Variants in UGT2B15 observed in about 807,000 individuals in gnomAD.
The protein encoded by UGT2B15 is UDP-glucuronosyltransferase 2B15.
In UGT2B15, 36 loss-of-function variants were observed where a neutral mutation model predicts 45.9. That is an observed-to-expected ratio of 0.78 (90% CI 0.60 to 1.04). The LOEUF is 1.04. Ranked by LOEUF, UGT2B15 falls within the 50% of genes least tolerant of loss-of-function variation. The pLI is 0.00. For missense variants in UGT2B15, 617 were observed against 622.4 expected, an observed-to-expected ratio of 0.99 and a Z score of 0.09; for synonymous variants, 219 against 216.4, an observed-to-expected ratio of 1.01 and a Z score of -0.11.
At chr4:68,656,366 A>G (rs1446224135) in intron 3 of UGT2B15, among the ~76,000 whole-genome samples, 1 of 148,866 alleles carries the variant, frequency 6.7e-6, no homozygotes, top group Non-Finnish European at 1.5e-5. Context: ...TTACCATTAC[A>G]GTGCTTAGTG....
At chr4:68,666,656 G>A (rs1450395096) in intron 2 of UGT2B15, among the ~76,000 whole-genome samples, 2 of 150,842 alleles carry the variant, frequency 1.3e-5, no homozygotes, top group Admixed American at 1.3e-4. Flanking sequence ...AAGGAAATCT[G>A]ATCATATCTC....
intron 5 of UGT2B15, among the ~76,000 whole-genome samples, chr4:68,653,790 A>G (rs1411201608): frequency 2.0e-5 from 3 of 152,022 alleles, no homozygotes; most frequent in Non-Finnish European, 4.4e-5. Flanking sequence ...ATTTAAAATA[A>G]TTATCTACAT....
Position 68,653,918 on chromosome 4 carries a change from A to G in UGT2B15, c.1313+119T>C, listed in dbSNP as rs563626762. On this transcript the variant is annotated intron_variant, in intron 5 of 5. Transcript: ENST00000338206. ...GGTGGAAAGTAAGGACAGATTTTAC[A>G]TTGGTTAAATCACTTCAATCCCTTC... 417 of 1,304,700 alleles carry G rather than the reference A, an allele frequency of 3.2e-4. 5 individuals are homozygous for G. The highest frequency in any genetic ancestry group is 1.3e-3 in the South Asian group (84 of 63,086). The allele number at this position is 1,304,700 out of a possible 1,614,324, so 80.8% of individuals were successfully genotyped here.
At position 68,648,668 on chromosome 4, in the gene UGT2B15, T is replaced by C. The variant is rs1193597961; in HGVS notation, c.1314-1285A>G. Among the ~76,000 whole-genome samples the C allele has an allele frequency of 2.0e-5, 3 of 152,102 alleles. 1 individual carries two copies. The highest frequency in any genetic ancestry group is 2.0e-4 in the Admixed American group (3 of 15,250). ...GATTATCTTAAACATTATCCCAAAG[T>C]GAAGACACCAATTTATCACAAACTG... On this transcript the variant is annotated intron_variant, in intron 5 of 5. Coordinates refer to ENST00000338206, the MANE Select transcript of UGT2B15 (RefSeq NM_001076.4).
intron 5 of UGT2B15, among the ~76,000 whole-genome samples, chr4:68,649,512 C>G (rs1732588275): frequency 6.6e-6 from 1 of 151,710 alleles, no homozygotes; most frequent in Admixed American, 6.6e-5. Flanking sequence ...AACTCCTGAC[C>G]TCATGTGATC....
At chr4:68,662,204 T>C (rs1199826495) in intron 3 of UGT2B15, among the ~76,000 whole-genome samples, 1 of 152,080 alleles carries the variant, frequency 6.6e-6, no homozygotes, top group Non-Finnish European at 1.5e-5. Flanking sequence ...ACCATGTTTA[T>C]TTATATTTTC....
chr4:68,647,723 T>C (rs1387729083), intron 5 of UGT2B15, among the ~76,000 whole-genome samples: 1 of 152,044 alleles, frequency 6.6e-6, no homozygotes, highest in Non-Finnish European at 1.5e-5. Flanking sequence ...TTTTAATTTT[T>C]TTTTATTTTT....
intron 5 of UGT2B15, among the ~76,000 whole-genome samples, chr4:68,650,093 C>A (rs1285430803): frequency 1.3e-5 from 2 of 152,036 alleles, no homozygotes; most frequent in African/African-American, 4.8e-5. Flanking sequence ...CTCAGCCTCC[C>A]AAAGTGCTGG....
At position 68,670,389 on chromosome 4, in the gene UGT2B15, T is replaced by G. The variant is rs1322119094; in HGVS notation, c.230A>C (p.Tyr77Ser). 3.1e-6 allele frequency: 5 copies of G among 1,613,648 alleles called. No individual in the cohort carries two copies. In the South Asian group the frequency reaches 5.5e-5, roughly 18 times the overall value. The change falls in exon 1 of 6, where the codon TAT becomes TCT. Residue 77 changes from tyrosine to serine, a missense_variant. Coordinates refer to ENST00000338206, the MANE Select transcript of UGT2B15 (RefSeq NM_001076.4). ...ATAATTTTTAGTTAAAGATGTAGGA[T>G]AAACTTCTAATTTAATAGCAGATGA... Reference protein sequence around the residue: ...SKSSAIKLEVYPTSLTKNYLE... With the variant: ...SKSSAIKLEVSPTSLTKNYLE...
rs777913874 is a variant in UGT2B15, at chr4:68,647,241, AG to A, written c.1455del (p.Trp486GlyfsTer9). The A allele has an allele frequency of 6.2e-7, 1 of 1,613,928 alleles. No homozygotes were observed. The highest frequency in any genetic ancestry group is 8.5e-7 in the Non-Finnish European group (1 of 1,179,944). On this transcript the variant is annotated frameshift_variant, in exon 6 of 6. Coordinates refer to ENST00000338206, the MANE Select transcript of UGT2B15 (RefSeq NM_001076.4). LOFTEE classifies it low-confidence loss of function (END_TRUNC). ...ACATCCAAAGAGTGGTACTGGATCC[AG>A]GTGAGGTTGTGAGCTGCGACTCGAA... ...KHLRVAAHNL[T>X]WIQYHSLDVI...
At chr4:68,651,773 A>G (rs1732661561) in intron 5 of UGT2B15, among the ~76,000 whole-genome samples, 1 of 152,086 alleles carries the variant, frequency 6.6e-6, no homozygotes, top group African/African-American at 2.4e-5. Flanking sequence ...TTGGTTATGT[A>G]GCCTTGTAGT....
intron 3 of UGT2B15, among the ~76,000 whole-genome samples, chr4:68,660,891 T>C (rs546699625): frequency 1.3e-5 from 2 of 151,862 alleles, no homozygotes; most frequent in Admixed American, 1.3e-4. Flanking sequence ...ATAATCCACT[T>C]TCATACCTGC....
intron 2 of UGT2B15, among the ~76,000 whole-genome samples, chr4:68,664,966 T>A (rs1246588841): frequency 3.3e-5 from 5 of 152,174 alleles, no homozygotes; most frequent in African/African-American, 4.8e-5. Context: ...CCACATTTAA[T>A]GTAACTTGAG....
rs1733246918 is a variant in UGT2B15, at chr4:68,669,817, ATTATAT to A, written c.724+72_724+77del. The A allele has an allele frequency of 5.3e-6, 8 of 1,510,066 alleles. No individual in the cohort carries two copies. The African/African-American group carries it at 7.0e-5, about 13-fold the overall frequency. The allele number at this position is 1,510,066 out of a possible 1,614,324, so 93.5% of individuals were successfully genotyped here. On this transcript the variant is annotated intron_variant, in intron 1 of 5. Transcript: ENST00000338206. Reference sequence around the variant, plus strand: ...TCCCTTAAAAACACTATCTTCTGACATTATATTTATATAAGCTCACCTTCAAAGGCA... The same window carrying A: ...TCCCTTAAAAACACTATCTTCTGACATTATATAAGCTCACCTTCAAAGGCA...
intron 4 of UGT2B15, 38 bp from the exon 5 acceptor site, chr4:68,654,294 A>C: frequency 1.9e-6 from 3 of 1,600,602 alleles, no homozygotes; most frequent in Middle Eastern, 1.7e-4. Context: ...TATTAATTAC[A>C]AGGTATGAGA....
intron 5 of UGT2B15, 122 bp from the exon 6 acceptor site, chr4:68,647,505 G>A (rs1732517562): frequency 2.3e-5 from 28 of 1,194,284 alleles, no homozygotes; most frequent in Non-Finnish European, 3.0e-5. Context: ...CACTGAATTG[G>A]CATGAAATTT....
chr4:68,653,971 AATTCAT>A, intron 5 of UGT2B15, 60 bp downstream of exon 5: 2 of 1,584,742 alleles, frequency 1.3e-6, no homozygotes. Context: ...AACGGGTTAA[AATTCAT>A]ATTCACTGTT....
In UGT2B15 at chr4:68,655,118, C is replaced by A. The variant is rs1732765996; in HGVS notation, c.1070G>T (p.Trp357Leu). 3 of 1,613,250 alleles carry A rather than the reference C, an allele frequency of 1.9e-6. No individual in the cohort carries two copies. The highest frequency in any genetic ancestry group is 1.7e-6 in the Non-Finnish European group (2 of 1,179,580). ...TLGSNTRLYK[W>L]LPQNDLLGHP... ...ACCAAGAAGGTCATTCTGGGGTAACCACTTGTACAGTCGAGTATTGGAACC... is the reference window on the plus strand; with the variant it reads ...ACCAAGAAGGTCATTCTGGGGTAACAACTTGTACAGTCGAGTATTGGAACC... The change falls in exon 4 of 6, where the codon TGG (tryptophan) becomes TTG (leucine). Residue 357 changes from tryptophan to leucine, a missense_variant. Physicochemically the swap from Trp to Leu is moderately conservative, Grantham distance 61. Around this residue, in one of 3 missense-constraint regions of UGT2B15, gnomAD observed 265 missense variants for 245.1 expected, o/e 1.08. Transcript: ENST00000338206.
chr4:68,663,858 G>T (rs1486694471), intron 2 of UGT2B15, among the ~76,000 whole-genome samples: 3 of 149,260 alleles, frequency 2.0e-5, no homozygotes, highest in Admixed American at 6.8e-5. Context: ...CTGGGAAATA[G>T]TTCTGAGAAT....
Sources: allele counts gnomAD v4.1 joint callset (sites outside exome capture counted in the v4.1 genomes callset), GRCh38; gene constraint gnomAD v4.1.1; regional missense constraint gnomAD v4.1.1; transcripts MANE v1.5; gene names NCBI Gene and HGNC (gene_info 2026-07-23, HGNC 2026-07-21).